Variants in PEX5L observed in about 807,000 individuals in gnomAD.
The protein encoded by PEX5L is peroxisomal biogenesis factor 5 like, also known as PEX5-related protein.
PEX5L carries 30 observed loss-of-function variants against 84.0 expected under a neutral mutation model. The ratio of observed to expected loss-of-function variants is 0.36; its 90% CI spans 0.27 to 0.48. The LOEUF (loss-of-function observed/expected upper bound fraction) is 0.48, where lower values mean the gene tolerates loss of function less well. PEX5L is among the 20% of genes least tolerant of loss of function. The probability of loss-of-function intolerance (pLI) is 0.99; values close to 1 mark genes in which losing one functional copy is unlikely to be tolerated. For missense variants in PEX5L, 533 were observed against 754.6 expected (o/e 0.71, Z 3.44); for synonymous variants, 270 against 283.1 (o/e 0.95, Z 0.46).
intron 6 of PEX5L, among the ~76,000 whole-genome samples, 178 bp from the exon 7 acceptor site, chr3:179,874,601 T>C (rs1216547577): frequency 6.6e-6 from 1 of 152,106 alleles, no homozygotes; most frequent in Admixed American, 6.6e-5. Flanking sequence ...TTTCAGAATG[T>C]AAGAGGCTAC....
intron 1 of PEX5L, chr3:179,973,299 C>T: frequency 7.8e-7 from 1 of 1,279,530 alleles, no homozygotes; most frequent in Non-Finnish European, 1.0e-6. Flanking sequence ...CCAGAACTTG[C>T]TGACCAGAGA....
At chr3:179,958,800 T>G (rs1350283424) in intron 2 of PEX5L, among the ~76,000 whole-genome samples, 1 of 152,192 alleles carries the variant, frequency 6.6e-6, no homozygotes, top group African/African-American at 2.4e-5. Flanking sequence ...AAAATTAATG[T>G]CTTTATCAAA....
In PEX5L at chr3:180,024,731, T is replaced by G. The variant is rs557208222; in HGVS notation, c.21+11848A>C. Among the ~76,000 whole-genome samples the G allele has an allele frequency of 5.9e-5, 9 of 151,940 alleles. No homozygotes were observed. The East Asian group carries it at 1.6e-3, about 26-fold the overall frequency. The stretch of plus-strand genomic sequence containing the variant: ...ACTCACATGTGCATGCATGTGTAAC[T>G]GGGGAGGTCAGGGCTGGGGGTATAA... On this transcript the variant is annotated intron_variant, in intron 1 of 14. Transcript: ENST00000467460.
intron 8 of PEX5L, among the ~76,000 whole-genome samples, chr3:179,828,114 ACCCCTGATG>A (rs2109072735): frequency 6.6e-6 from 1 of 151,996 alleles, no homozygotes; most frequent in African/African-American, 2.4e-5. Flanking sequence ...AATCCCCCCA[ACCCCTGATG>A]TCTCTTCTTA....
At chr3:179,969,396 A>C (rs1356923298) in intron 2 of PEX5L, among the ~76,000 whole-genome samples, 2 of 152,084 alleles carry the variant, frequency 1.3e-5, no homozygotes, top group Non-Finnish European at 2.9e-5. Context: ...TAATGTCATC[A>C]TATATGTATA....
intron 8 of PEX5L, among the ~76,000 whole-genome samples, chr3:179,840,183 G>GTTTTTTTTT (rs71182521): frequency 8.9e-5 from 7 of 78,720 alleles, no homozygotes; most frequent in African/African-American, 2.1e-4. Context: ...GTGTGTGTGT[G>GTTTTTTTTT]TTTTTTTTTT....
At chr3:179,876,023 T>C (rs1436787783) in intron 5 of PEX5L, among the ~76,000 whole-genome samples, 1 of 151,972 alleles carries the variant, frequency 6.6e-6, no homozygotes, top group Non-Finnish European at 1.5e-5. Context: ...AGGAGAGAAT[T>C]TATAATGGGG....
At chr3:179,901,105 T>C (rs1412386070) in intron 2 of PEX5L, among the ~76,000 whole-genome samples, 2 of 152,254 alleles carry the variant, frequency 1.3e-5, no homozygotes, top group African/African-American at 4.8e-5. Context: ...CATGGAACTT[T>C]ACAAATTTGC....
chr3:179,929,701 C>T (rs989849577), intron 2 of PEX5L, among the ~76,000 whole-genome samples: 5 of 152,196 alleles, frequency 3.3e-5, no homozygotes, highest in African/African-American at 1.2e-4. Context: ...CCTAATGCCC[C>T]TGCCCCTGCC....
chr3:179,868,727 G>C (rs1452187931), intron 7 of PEX5L, among the ~76,000 whole-genome samples: 1 of 152,040 alleles, frequency 6.6e-6, no homozygotes, highest in African/African-American at 2.4e-5. Flanking sequence ...CCTGCCAGAG[G>C]CTTCATCTAT....
intron 8 of PEX5L, among the ~76,000 whole-genome samples, chr3:179,843,061 C>T (rs1737899142): frequency 6.6e-6 from 1 of 151,812 alleles, no homozygotes; most frequent in South Asian, 2.1e-4. Context: ...AAAATATATT[C>T]TGATTGAAAC....
intron 8 of PEX5L, among the ~76,000 whole-genome samples, chr3:179,844,625 G>A (rs778000445): frequency 6.6e-6 from 1 of 152,082 alleles, no homozygotes; most frequent in African/African-American, 2.4e-5. Flanking sequence ...TCAGAAGATC[G>A]AGACCATCCT....
At chr3:179,975,329 T>A (rs896539688) in intron 1 of PEX5L, among the ~76,000 whole-genome samples, 1 of 152,226 alleles carries the variant, frequency 6.6e-6, no homozygotes, top group African/African-American at 2.4e-5. Flanking sequence ...GTAACTCCTG[T>A]TCATTGCAGG....
At chr3:179,993,488 T>C (rs573237208) in intron 1 of PEX5L, among the ~76,000 whole-genome samples, 95 of 152,162 alleles carry the variant, frequency 6.2e-4, no homozygotes, top group Non-Finnish European at 1.1e-3. Flanking sequence ...CAACCTCCCA[T>C]ATATTTATTT....
At chr3:179,971,717 C>A in intron 1 of PEX5L, 52 bp from the exon 2 acceptor site, 3 of 1,435,694 alleles carry the variant, frequency 2.1e-6, no homozygotes, top group Non-Finnish European at 2.8e-6. Context: ...CATTAACAAT[C>A]TTAATTCTAC....
intron 8 of PEX5L, among the ~76,000 whole-genome samples, chr3:179,825,808 T>G (rs1195427560): frequency 1.3e-5 from 2 of 152,192 alleles, no homozygotes; most frequent in African/African-American, 4.8e-5. Flanking sequence ...AGCGAAACAA[T>G]GTATGTGAAG....
intron 2 of PEX5L, among the ~76,000 whole-genome samples, chr3:179,940,448 T>C (rs1002670373): frequency 1.3e-5 from 2 of 152,086 alleles, no homozygotes; most frequent in African/African-American, 4.8e-5. Flanking sequence ...AGAAGGCTTT[T>C]GAGAGACTTT....
intron 1 of PEX5L, among the ~76,000 whole-genome samples, chr3:180,009,557 GAAA>G (rs1561057649): frequency 2.6e-5 from 4 of 151,540 alleles, no homozygotes; most frequent in Non-Finnish European, 5.9e-5. Flanking sequence ...ATGAGTTACT[GAAA>G]AAATTTTTTT....
chr3:179,973,437 A>C, intron 1 of PEX5L: 1 of 1,118,884 alleles, frequency 8.9e-7, no homozygotes, highest in South Asian at 2.2e-5. Flanking sequence ...CTGAAATGAA[A>C]ATTTCTTTTT....
Sources: gnomAD v4.1 joint callset for allele counts (sites outside exome capture counted in the v4.1 genomes callset) on GRCh38, gnomAD v4.1.1 for gene constraint, MANE v1.5 for transcripts, NCBI Gene and HGNC (gene_info 2026-07-23, HGNC 2026-07-21) for gene names.